The following GRM5 variants were observed in gnomAD, a reference collection of about 807,000 sequenced individuals.
GRM5 encodes the protein glutamate metabotropic receptor 5.
A neutral mutation model predicts 83.1 loss-of-function variants in GRM5; 19 were observed. That is an observed-to-expected ratio of 0.23 (90% confidence interval 0.16 to 0.34). The LOEUF is 0.34. Among genes scored for constraint, GRM5 ranks in the 10% least tolerant of loss-of-function variants. The probability of loss-of-function intolerance (pLI) is 1.00; values close to 1 mark genes in which losing one functional copy is unlikely to be tolerated. For missense variants in GRM5, 1,160 were observed against 1,588.3 expected, an observed-to-expected ratio of 0.73 and a Z score of 4.58; for synonymous variants, 675 against 633.6, an observed-to-expected ratio of 1.07 and a Z score of -0.98.
chr11:88,758,404 G>A (rs868819578), intron 3 of GRM5, among the ~76,000 whole-genome samples: 23 of 152,110 alleles, frequency 1.5e-4, no homozygotes, highest in Admixed American at 3.3e-4. Flanking sequence ...CCCAATAGAC[G>A]TGGAAGACAC....
At chr11:88,896,134 T>C (rs1945225170) in intron 2 of GRM5, among the ~76,000 whole-genome samples, 1 of 151,908 alleles carries the variant, frequency 6.6e-6, no homozygotes, top group Admixed American at 6.6e-5. Flanking sequence ...CTCCATTTCA[T>C]AGATGAATTT....
chr11:89,017,196 G>T (rs1166348088), intron 2 of GRM5, among the ~76,000 whole-genome samples: 1 of 152,066 alleles, frequency 6.6e-6, no homozygotes, highest in Non-Finnish European at 1.5e-5. Flanking sequence ...GTTCTGGTAT[G>T]ACCCTCAGAC....
chr11:88,741,407 A>G (rs1942026060), intron 3 of GRM5, among the ~76,000 whole-genome samples: 2 of 152,074 alleles, frequency 1.3e-5, no homozygotes, highest in South Asian at 4.1e-4. Context: ...TTCTTGCTAA[A>G]CTTCATTTGA....
chr11:88,754,119 T>A (rs1243169251), intron 3 of GRM5, among the ~76,000 whole-genome samples: 1 of 152,142 alleles, frequency 6.6e-6, no homozygotes, highest in Non-Finnish European at 1.5e-5. Context: ...AGGAATAAGA[T>A]CATGTCCTTT....
chr11:88,811,789 C>T (rs1451458111), intron 3 of GRM5, among the ~76,000 whole-genome samples: 1 of 151,666 alleles, frequency 6.6e-6, no homozygotes, highest in Non-Finnish European at 1.5e-5. Context: ...CCTTCCCTCT[C>T]CAATCACACC....
intron 3 of GRM5, among the ~76,000 whole-genome samples, chr11:88,722,468 G>A (rs1437549899): frequency 6.6e-6 from 1 of 152,062 alleles, no homozygotes; most frequent in Non-Finnish European, 1.5e-5. Flanking sequence ...TTACTTTATG[G>A]TAACTTTTGT....
At chr11:88,664,701 C>T (rs558027786) in intron 3 of GRM5, among the ~76,000 whole-genome samples, 1 of 152,178 alleles carries the variant, frequency 6.6e-6, no homozygotes, top group East Asian at 1.9e-4. Flanking sequence ...CCTGCCTCGG[C>T]CTCCCAAAGT....
chr11:89,001,225 T>A (rs1591037347), intron 2 of GRM5, among the ~76,000 whole-genome samples: 1 of 152,138 alleles, frequency 6.6e-6, no homozygotes, highest in South Asian at 2.1e-4. Flanking sequence ...TGGGCATTTA[T>A]CCTAGAGAAA....
chr11:89,065,898 A>C lies in GRM5; in HGVS notation c.-323T>G, dbSNP rs1052617097. The stretch of plus-strand genomic sequence containing the variant: ...CGGCGATGGAGGCAGCGGTGACAGC[A>C]GGCAGAACGGCTGCGGGGCCCGCGG... On this transcript the variant is annotated 5_prime_UTR_variant, in exon 1 of 10. Coordinates refer to ENST00000305447, the MANE Select transcript of GRM5 (RefSeq NM_001143831.3). The C allele has an allele frequency of 6.6e-6, 1 of 152,154 alleles. No homozygotes were observed. The highest frequency in any genetic ancestry group is 2.4e-5 in the African/African-American group (1 of 41,444). 9.4% of individuals were successfully genotyped at this position (152,154 alleles called of 1,614,324 possible).
chr11:88,756,690 CA>C (rs1942401037), intron 3 of GRM5, among the ~76,000 whole-genome samples: 1 of 151,906 alleles, frequency 6.6e-6, no homozygotes, highest in African/African-American at 2.4e-5. Context: ...GTATATTACA[CA>C]TTAAAATCAG....
chr11:88,928,095 C>T (rs1349143681), intron 2 of GRM5, among the ~76,000 whole-genome samples: 2 of 152,032 alleles, frequency 1.3e-5, no homozygotes, highest in East Asian at 1.9e-4. Flanking sequence ...GGATTATGTG[C>T]AGCGTTTCAC....
chr11:88,594,014 C>G (rs377082245), intron 6 of GRM5, among the ~76,000 whole-genome samples: 29 of 152,036 alleles, frequency 1.9e-4, no homozygotes, highest in African/African-American at 7.0e-4. Context: ...CAGATGGTCT[C>G]GATCTCCTGA....
intron 9 of GRM5, among the ~76,000 whole-genome samples, chr11:88,513,444 T>A (rs977249529): frequency 1.3e-5 from 2 of 152,236 alleles, no homozygotes; most frequent in Admixed American, 1.3e-4. Context: ...CTATTTTGCC[T>A]TATGGATCTA....
At chr11:88,640,940 T>C (rs933406345) in intron 4 of GRM5, among the ~76,000 whole-genome samples, 1 of 152,102 alleles carries the variant, frequency 6.6e-6, no homozygotes, top group East Asian at 1.9e-4. Flanking sequence ...AAAATATGAT[T>C]GGACAAAAAG....
chr11:88,617,566 ATT>A (rs749868967), intron 4 of GRM5, among the ~76,000 whole-genome samples: 1 of 152,232 alleles, frequency 6.6e-6, no homozygotes, highest in Non-Finnish European at 1.5e-5. Context: ...AGAAAATTCT[ATT>A]TTTGTTTTTC....
intron 2 of GRM5, among the ~76,000 whole-genome samples, chr11:88,918,596 T>A (rs1945635678): frequency 6.6e-6 from 1 of 152,018 alleles, no homozygotes; most frequent in Non-Finnish European, 1.5e-5. Context: ...AAATATAAAA[T>A]ACTGTAACTG....
chr11:88,923,189 AT>A lies in GRM5; in HGVS notation c.662-73035del, dbSNP rs1367634819. Among the ~76,000 whole-genome samples the A allele has an allele frequency of 2.6e-5, 4 of 152,222 alleles. No homozygotes were observed. In the East Asian group the frequency reaches 5.8e-4, roughly 22 times the overall value. On this transcript the variant is annotated intron_variant, in intron 2 of 9. Coordinates refer to ENST00000305447, the MANE Select transcript of GRM5 (RefSeq NM_001143831.3). ...AGTAAAACCACCATATGATTCAGAAATTTTACTGGTATGTACCCAAAAGGAA... is the reference window on the plus strand; with the variant it reads ...AGTAAAACCACCATATGATTCAGAAATTTACTGGTATGTACCCAAAAGGAA...
chr11:88,984,493 G>A (rs1591019792), intron 2 of GRM5, among the ~76,000 whole-genome samples: 1 of 152,212 alleles, frequency 6.6e-6, no homozygotes, highest in East Asian at 1.9e-4. Flanking sequence ...GGATGAAACT[G>A]CCTAATGTTG....
chr11:88,638,397 G>T (rs1477099883), intron 4 of GRM5, among the ~76,000 whole-genome samples: 1 of 151,516 alleles, frequency 6.6e-6, no homozygotes, highest in South Asian at 2.1e-4. Context: ...TCTATATGAG[G>T]TATATTGGGG....
Sources: gnomAD v4.1 joint callset for allele counts (sites outside exome capture counted in the v4.1 genomes callset) on GRCh38, gnomAD v4.1.1 for gene constraint, MANE v1.5 for transcripts, NCBI Gene and HGNC (gene_info 2026-07-23, HGNC 2026-07-21) for gene names.